Variants in SLC24A2 observed in about 807,000 individuals in gnomAD.
SLC24A2 encodes the protein sodium/potassium/calcium exchanger 2.
SLC24A2 carries 36 observed loss-of-function variants against 62.0 expected under a neutral mutation model. The ratio of observed to expected loss-of-function variants is 0.58; its 90% CI spans 0.44 to 0.77. SLC24A2 has a LOEUF of 0.77. Among genes scored for constraint, SLC24A2 ranks in the 30% least tolerant of loss-of-function variants. The probability of loss-of-function intolerance (pLI) is 0.00; values close to 1 mark genes in which losing one functional copy is unlikely to be tolerated. For missense variants in SLC24A2, 846 were observed against 817.9 expected (o/e 1.03, Z -0.42); for synonymous variants, 358 against 294.0 (o/e 1.22, Z -2.23).
intron 2 of SLC24A2, among the ~76,000 whole-genome samples, chr9:19,628,763 G>C (rs1440674590): frequency 1.3e-5 from 2 of 152,282 alleles, no homozygotes; most frequent in African/African-American, 2.4e-5. Context: ...AGCCACACTG[G>C]AAGAAGAACT....
At chr9:19,828,876 C>G in the SLC24A2 span, among the ~76,000 whole-genome samples, 117 of 152,168 alleles carry the variant, frequency 7.7e-4, no homozygotes, top group African/African-American at 2.6e-3. Flanking sequence ...CTCAGAGAAG[C>G]CTTGGCTCCA....
At chr9:20,048,943 TTTATTA>T in the SLC24A2 span, among the ~76,000 whole-genome samples, 2 of 151,704 alleles carry the variant, frequency 1.3e-5, no homozygotes, top group Non-Finnish European at 1.5e-5. Context: ...ATTTTTATTT[TTTATTA>T]TTATTAAGTT....
At chr9:20,301,488 C>T in the SLC24A2 span, among the ~76,000 whole-genome samples, 1 of 152,030 alleles carries the variant, frequency 6.6e-6, no homozygotes, top group Non-Finnish European at 1.5e-5. Flanking sequence ...CACACATTTA[C>T]CCTTTTATTT....
At chr9:19,814,180 G>A in the SLC24A2 span, among the ~76,000 whole-genome samples, 2 of 151,978 alleles carry the variant, frequency 1.3e-5, no homozygotes, top group Admixed American at 6.6e-5. Flanking sequence ...TCTATAATAT[G>A]GTCATATCTC....
the SLC24A2 span, among the ~76,000 whole-genome samples, chr9:19,851,906 A>G: frequency 1.3e-5 from 2 of 152,186 alleles, no homozygotes; most frequent in Non-Finnish European, 1.5e-5. Context: ...GAATCATCAC[A>G]GTGTCTTCCA....
chr9:19,892,521 A>C, the SLC24A2 span, among the ~76,000 whole-genome samples: 17 of 152,306 alleles, frequency 1.1e-4, no homozygotes, highest in Non-Finnish European at 2.2e-4. Flanking sequence ...TGCCTGATTC[A>C]ACCAACAAAT....
the SLC24A2 span, among the ~76,000 whole-genome samples, chr9:19,822,080 G>C: frequency 6.6e-6 from 1 of 152,130 alleles, no homozygotes; most frequent in African/African-American, 2.4e-5. Context: ...TTGAAACTAA[G>C]AAAAGCATCA....
chr9:19,975,620 A>G, the SLC24A2 span, among the ~76,000 whole-genome samples: 1 of 152,252 alleles, frequency 6.6e-6, no homozygotes, highest in Admixed American at 6.5e-5. Flanking sequence ...GTAGGCATCC[A>G]AAACAGATGA....
At chr9:19,572,528 CTT>C (rs889957367) in intron 7 of SLC24A2, among the ~76,000 whole-genome samples, 12 of 152,130 alleles carry the variant, frequency 7.9e-5, no homozygotes, top group African/African-American at 2.9e-4. Flanking sequence ...TCCATTCCCT[CTT>C]TTTCTTTCCT....
At chr9:20,070,759 C>A in the SLC24A2 span, among the ~76,000 whole-genome samples, 8 of 152,182 alleles carry the variant, frequency 5.3e-5, no homozygotes, top group African/African-American at 1.7e-4. Flanking sequence ...TACAAATAGA[C>A]CTTCAGAACA....
chr9:20,211,194 T>A, the SLC24A2 span, among the ~76,000 whole-genome samples: 6 of 152,070 alleles, frequency 3.9e-5, no homozygotes, highest in African/African-American at 1.2e-4. Flanking sequence ...CTGGAAAATA[T>A]CTGTTTGTTT....
chr9:19,796,811 G>C, the SLC24A2 span, among the ~76,000 whole-genome samples: 1 of 152,056 alleles, frequency 6.6e-6, no homozygotes, highest in Non-Finnish European at 1.5e-5. Context: ...TTTACTTGCA[G>C]TGTTCTATAT....
chr9:19,770,069 G>A (rs1476030721), intron 2 of SLC24A2, among the ~76,000 whole-genome samples: 1 of 151,066 alleles, frequency 6.6e-6, no homozygotes, highest in Non-Finnish European at 1.5e-5. Flanking sequence ...AGTCTATATT[G>A]TCCCATGTAG....
intron 4 of SLC24A2, among the ~76,000 whole-genome samples, chr9:19,617,692 A>G (rs1817805462): frequency 6.6e-6 from 1 of 152,234 alleles, no homozygotes; most frequent in African/African-American, 2.4e-5. Context: ...TCAAAGAAAC[A>G]GAACCATGAG....
At chr9:20,040,701 A>G in the SLC24A2 span, among the ~76,000 whole-genome samples, 1 of 152,348 alleles carries the variant, frequency 6.6e-6, no homozygotes, top group South Asian at 2.1e-4. Flanking sequence ...GGGATTGCCC[A>G]CAGTCATTCA....
At chr9:20,101,576 T>A in the SLC24A2 span, among the ~76,000 whole-genome samples, 2 of 152,104 alleles carry the variant, frequency 1.3e-5, no homozygotes, top group Admixed American at 1.3e-4. Flanking sequence ...CCCATACCTC[T>A]TGGAAGACTA....
At chr9:19,973,769 G>C in the SLC24A2 span, among the ~76,000 whole-genome samples, 1 of 152,182 alleles carries the variant, frequency 6.6e-6, no homozygotes. Context: ...TTCAAATGCT[G>C]TGGCTATACA....
the SLC24A2 span, among the ~76,000 whole-genome samples, chr9:20,229,272 G>A: frequency 2.6e-5 from 4 of 152,150 alleles, no homozygotes; most frequent in Non-Finnish European, 5.9e-5. Flanking sequence ...CTTAATAACA[G>A]TGTGACCTTG....
At chr9:19,572,869 G>C (rs909715955) in intron 7 of SLC24A2, among the ~76,000 whole-genome samples, 2 of 152,134 alleles carry the variant, frequency 1.3e-5, no homozygotes, top group Non-Finnish European at 2.9e-5. Flanking sequence ...AAGCCAAAGG[G>C]GGCTCACTGA....
Sources: gnomAD v4.1 joint callset for allele counts (sites outside exome capture counted in the v4.1 genomes callset) on GRCh38, gnomAD v4.1.1 for gene constraint, MANE v1.5 for transcripts, NCBI Gene and HGNC (gene_info 2026-07-23, HGNC 2026-07-21) for gene names.